KCNIP1: variants seen among roughly 807,000 people sequenced by gnomAD.
The protein encoded by KCNIP1 is A-type potassium channel modulatory protein KCNIP1.
Under a neutral mutation model 33.0 loss-of-function variants are expected in KCNIP1, and 18 were observed. That is an observed-to-expected ratio of 0.55 (90% CI 0.38 to 0.81). The LOEUF (loss-of-function observed/expected upper bound fraction) is 0.81, where lower values mean the gene tolerates loss of function less well. Ranked by LOEUF, KCNIP1 falls within the 30% of genes least tolerant of loss-of-function variation. KCNIP1 has a pLI of 0.00. For missense variants in KCNIP1, 238 were observed against 271.6 expected (o/e 0.88, Z 0.87); for synonymous variants, 93 against 98.3 (o/e 0.95, Z 0.32).
intron 1 of KCNIP1, among the ~76,000 whole-genome samples, chr5:170,448,275 A>C (rs1756165599): frequency 6.6e-6 from 1 of 152,242 alleles, no homozygotes; most frequent in African/African-American, 2.4e-5. Flanking sequence ...TTTTGGACTC[A>C]GGGCAATTGC....
At chr5:170,431,437 G>C (rs978924940) in intron 1 of KCNIP1, among the ~76,000 whole-genome samples, 1 of 152,192 alleles carries the variant, frequency 6.6e-6, no homozygotes, top group African/African-American at 2.4e-5. Context: ...GAGAATCTGG[G>C]GGATTTTAGG....
intron 1 of KCNIP1, among the ~76,000 whole-genome samples, chr5:170,697,230 A>T (rs1762928697): frequency 6.6e-6 from 1 of 152,064 alleles, no homozygotes; most frequent in Non-Finnish European, 1.5e-5. Flanking sequence ...CCCATCCCAG[A>T]GCACCAAATA....
At chr5:170,642,398 T>C (rs951505105) in intron 1 of KCNIP1, among the ~76,000 whole-genome samples, 8 of 152,180 alleles carry the variant, frequency 5.3e-5, no homozygotes, top group Non-Finnish European at 8.8e-5. Context: ...CACACTCATC[T>C]CCAGCGTCAC....
chr5:170,458,659 A>T (rs1441274661), intron 1 of KCNIP1, among the ~76,000 whole-genome samples: 3 of 152,224 alleles, frequency 2.0e-5, no homozygotes, highest in African/African-American at 7.2e-5. Flanking sequence ...GAGAGAATTC[A>T]CCACTACCAA....
chr5:170,448,467 G>A (rs1756169704), intron 1 of KCNIP1, among the ~76,000 whole-genome samples: 1 of 152,270 alleles, frequency 6.6e-6, no homozygotes, highest in South Asian at 2.1e-4. Flanking sequence ...TGGGGGCTTG[G>A]AGGAGTGGCT....
chr5:170,377,733 TG>T lies in KCNIP1; in HGVS notation c.88+23771del, dbSNP rs1359685882. ...GACCACAGGTGCCCACCACCACGCC[TG>T]GCTAATTTTTTGTATTTTTAGTAGA... On this transcript the variant is annotated intron_variant, in intron 1 of 7. Coordinates refer to the KCNIP1 transcript ENST00000377360. 2.0e-5 allele frequency: 3 copies of T among 152,206 alleles called. No homozygotes were observed. In the East Asian group the frequency reaches 5.8e-4, roughly 29 times the overall value. The allele number at this position is 152,206 out of a possible 1,614,324, so 9.4% of individuals were successfully genotyped here. A position where few individuals can be genotyped will look rare whatever the true frequency, so the allele number is the denominator to read the frequency against.
chr5:170,376,250 T>A (rs1233916143), intron 1 of KCNIP1: 1 of 134,812 alleles, frequency 7.4e-6, no homozygotes, highest in African/African-American at 2.8e-5. Flanking sequence ...AAGCTCCGCC[T>A]CCCGGGTTCA....
At chr5:170,700,647 G>T (rs1008952896) in intron 1 of KCNIP1, among the ~76,000 whole-genome samples, 1 of 152,216 alleles carries the variant, frequency 6.6e-6, no homozygotes, top group Non-Finnish European at 1.5e-5. Flanking sequence ...GTTCATGCAT[G>T]GAATTGTGAT....
chr5:170,623,250 G>A (rs1404039857), intron 1 of KCNIP1, among the ~76,000 whole-genome samples: 2 of 149,916 alleles, frequency 1.3e-5, no homozygotes, highest in African/African-American at 4.9e-5. Flanking sequence ...TTTCGCTCTT[G>A]TTGCCCAGGC....
chr5:170,664,423 C>T (rs1351506324), intron 1 of KCNIP1, among the ~76,000 whole-genome samples: 1 of 152,160 alleles, frequency 6.6e-6, no homozygotes, highest in Non-Finnish European at 1.5e-5. Flanking sequence ...GTGCTCATCT[C>T]CCCACTGCAC....
At chr5:170,603,810 A>G (rs1317088843) in intron 1 of KCNIP1, among the ~76,000 whole-genome samples, 2 of 152,218 alleles carry the variant, frequency 1.3e-5, no homozygotes, top group Admixed American at 6.5e-5. Context: ...AGGGCCTTGA[A>G]TGCCAAGTCA....
intron 1 of KCNIP1, among the ~76,000 whole-genome samples, chr5:170,445,268 C>G (rs1756086213): frequency 1.3e-5 from 2 of 152,148 alleles, no homozygotes; most frequent in African/African-American, 4.8e-5. Flanking sequence ...ACTGTTGTCT[C>G]CAATTGCCTC....
At chr5:170,735,130 T>A (rs1042153773) in intron 7 of KCNIP1, among the ~76,000 whole-genome samples, 1 of 152,248 alleles carries the variant, frequency 6.6e-6, no homozygotes, top group African/African-American at 2.4e-5. Flanking sequence ...AAAAGCAGTC[T>A]TAATAAGCAT....
intron 1 of KCNIP1, among the ~76,000 whole-genome samples, chr5:170,550,651 A>G (rs985835148): frequency 1.3e-5 from 2 of 151,934 alleles, no homozygotes; most frequent in Non-Finnish European, 2.9e-5. Context: ...AATGATGGTA[A>G]CAGTGATGAT....
Position 170,726,728 on chromosome 5 carries a change from T to C in KCNIP1, c.435+3908T>C, listed in dbSNP as rs184605544. 5.5e-3 allele frequency among the ~76,000 whole-genome samples: 693 copies of C among 126,272 alleles called. 3 individuals carry two copies. Among genetic ancestry groups the C allele is most frequent in the Non-Finnish European group, 8.3e-3 (519 of 62,738 alleles). The allele number at this position is 126,272 out of a possible 152,430, so 82.8% of individuals were successfully genotyped here. ...CAGACTGGGCAACATGGCGAGACAC[T>C]GTCTCTACTAAAAATACAAAAAAAA... On this transcript the variant is annotated intron_variant, in intron 5 of 7. Transcript: ENST00000328939.
chr5:170,475,223 A>G (rs1756829076), intron 1 of KCNIP1, among the ~76,000 whole-genome samples: 1 of 152,220 alleles, frequency 6.6e-6, no homozygotes, highest in African/African-American at 2.4e-5. Flanking sequence ...CCCGACCCAG[A>G]AGTCCAGCTG....
At chr5:170,362,188 G>A (rs893822046) in intron 1 of KCNIP1, among the ~76,000 whole-genome samples, 9 of 152,150 alleles carry the variant, frequency 5.9e-5, no homozygotes, top group Middle Eastern at 3.2e-3. Context: ...TATAAAGAGC[G>A]AGCTTCAGAC....
At chr5:170,568,230 G>C (rs896130625) in intron 1 of KCNIP1, among the ~76,000 whole-genome samples, 4 of 152,196 alleles carry the variant, frequency 2.6e-5, no homozygotes, top group African/African-American at 9.7e-5. Flanking sequence ...GTGCATATCT[G>C]CTGCAGCAGA....
At chr5:170,699,675 A>G (rs1001449021) in intron 1 of KCNIP1, among the ~76,000 whole-genome samples, 1 of 152,052 alleles carries the variant, frequency 6.6e-6, no homozygotes, top group African/African-American at 2.4e-5. Flanking sequence ...TAAGCTTTCT[A>G]AAGGGGAATT....
Sources: gnomAD v4.1 joint callset for allele counts (sites outside exome capture counted in the v4.1 genomes callset) on GRCh38, gnomAD v4.1.1 for gene constraint, MANE v1.5 for transcripts, NCBI Gene and HGNC (gene_info 2026-07-23, HGNC 2026-07-21) for gene names.